Variants in SLC4A8 observed in about 807,000 individuals in gnomAD.
SLC4A8 encodes the protein solute carrier family 4 member 8.
Under a neutral mutation model 125.0 loss-of-function variants are expected in SLC4A8, and 40 were observed. The ratio of observed to expected loss-of-function variants is 0.32; its 90% confidence interval spans 0.25 to 0.42. The LOEUF (loss-of-function observed/expected upper bound fraction) is 0.42, where lower values mean the gene tolerates loss of function less well. Among genes scored for constraint, SLC4A8 ranks in the 10% least tolerant of loss-of-function variants. The probability of loss-of-function intolerance (pLI) is 1.00; values close to 1 mark genes in which losing one functional copy is unlikely to be tolerated. For synonymous variants in SLC4A8, 456 were observed against 476.0 expected (o/e 0.96, Z 0.55); for missense variants, 863 against 1,355.1 (o/e 0.64, Z 5.70).
chr12:51,485,797 T>C lies in SLC4A8; in HGVS notation c.2183T>C (p.Met728Thr). Residue 728 changes from methionine (M) to threonine (T), a missense_variant, in exon 17 of 25, where the codon ATG (methionine) becomes ACG (threonine). Physicochemically the swap from Met to Thr is moderately conservative, Grantham distance 81. Transcript: ENST00000453097. ...TCTTTCTCATGCCAGGTACGCTCCA[T>C]GGTGAGTGACTTTGCTGTTTTCCTC... ...SRYFPTRVRS[M>T]VSDFAVFLTI... The C allele has an allele frequency of 6.2e-7, 1 of 1,606,676 alleles. No individual in the cohort carries two copies. The highest frequency in any genetic ancestry group is 8.5e-7 in the Non-Finnish European group (1 of 1,173,240).
upstream of SLC4A8, among the ~76,000 whole-genome samples, chr12:51,421,404 A>C (rs1200793862): frequency 6.6e-6 from 1 of 152,222 alleles, no homozygotes; most frequent in African/African-American, 2.4e-5. Flanking sequence ...CAGCAGCCTT[A>C]GCTGCTGCCT....
In SLC4A8 at chr12:51,452,167, A is replaced by G. The variant is rs369642112; in HGVS notation, c.321A>G (p.Glu107=). 1.2e-6 allele frequency: 2 copies of G among 1,614,074 alleles called. No individual in the cohort carries two copies. The highest frequency in any genetic ancestry group is 1.3e-5 in the African/African-American group (1 of 74,932). ...QRVQFILGTE[E]DEEHVPHELF... ...TTCAGTTCATTCTTGGCACCGAGGA[A>G]GATGAAGAGCATGTGCCTCATGAGC... The change falls in exon 4 of 25, where the codon GAA becomes GAG. Residue 107 remains glutamate, a synonymous_variant. Coordinates refer to ENST00000453097, the MANE Select transcript of SLC4A8 (RefSeq NM_001039960.3).
chr12:51,402,237 T>G (rs1430399741), intron 1 of SLC4A8, among the ~76,000 whole-genome samples: 1 of 152,206 alleles, frequency 6.6e-6, no homozygotes, highest in South Asian at 2.1e-4. Context: ...ACTTGGAATA[T>G]CCTGGGATTC....
intron 17 of SLC4A8, among the ~76,000 whole-genome samples, chr12:51,486,802 G>GT (rs1951176188): frequency 6.6e-6 from 1 of 152,176 alleles, no homozygotes; most frequent in Non-Finnish European, 1.5e-5. Context: ...AAGTAGGCCT[G>GT]TTGAAATACC....
At chr12:51,483,226 G>A (rs867494788) in intron 16 of SLC4A8, among the ~76,000 whole-genome samples, 14 of 151,902 alleles carry the variant, frequency 9.2e-5, no homozygotes, top group Admixed American at 3.3e-4. Context: ...TATTTGTTTC[G>A]TTTTGCACTA....
At position 51,449,707 on chromosome 12, in the gene SLC4A8, C is replaced by T. The variant is rs1949901303; in HGVS notation, c.131-1169C>T. 1.3e-5 allele frequency among the ~76,000 whole-genome samples: 2 copies of T among 152,050 alleles called. 1 individual carries two copies. The stretch of plus-strand genomic sequence containing the variant: ...GCAAGGGAAAGCCAGGTAGAGGTGA[C>T]AGAGATCTGGAAATCTGGATCAAAA... On this transcript the variant is annotated intron_variant, in intron 2 of 24. Transcript: ENST00000453097.
At chr12:51,409,623 C>T (rs1376961624) in intron 1 of SLC4A8, among the ~76,000 whole-genome samples, 1 of 152,144 alleles carries the variant, frequency 6.6e-6, no homozygotes, top group African/African-American at 2.4e-5. Context: ...AATCATAGTG[C>T]ACTGCAGCCT....
intron 1 of SLC4A8, among the ~76,000 whole-genome samples, chr12:51,412,816 T>A (rs1948620052): frequency 6.6e-6 from 1 of 152,236 alleles, no homozygotes; most frequent in Admixed American, 6.5e-5. Context: ...TTTTCCTTAT[T>A]CATTCATCCA....
At chr12:51,507,302 C>A (rs1938213702) in intron 24 of SLC4A8, 124 bp from the exon 25 acceptor site, 2 of 566,044 alleles carry the variant, frequency 3.5e-6, no homozygotes, top group Non-Finnish European at 2.9e-6. Context: ...GAGAACTAGT[C>A]TACTTGTAAA....
At chr12:51,481,021 T>G (rs1951012207) in intron 16 of SLC4A8, among the ~76,000 whole-genome samples, 1 of 152,228 alleles carries the variant, frequency 6.6e-6, no homozygotes, top group South Asian at 2.1e-4. Flanking sequence ...TGGGCGTTTT[T>G]CTTTAAAACG....
intron 23 of SLC4A8, 137 bp from the exon 24 acceptor site, chr12:51,505,698 C>G (rs956070765): frequency 2.9e-5 from 14 of 484,960 alleles, no homozygotes; most frequent in African/African-American, 2.6e-4. Context: ...CATCTTGTTC[C>G]CCGAGTTCCT....
intron 2 of SLC4A8, among the ~76,000 whole-genome samples, chr12:51,447,820 C>A (rs1367737137): frequency 6.6e-6 from 1 of 151,430 alleles, no homozygotes; most frequent in Non-Finnish European, 1.5e-5. Context: ...AGGTTCATGC[C>A]ATTCTCCTGC....
At chr12:51,483,740 C>CT (rs200986889) in intron 16 of SLC4A8, among the ~76,000 whole-genome samples, 26 of 148,268 alleles carry the variant, frequency 1.8e-4, no homozygotes, top group East Asian at 3.9e-4. Context: ...AACAGGGATT[C>CT]TTTTTTTTTT....
At chr12:51,480,522 T>G in intron 16 of SLC4A8, 1 of 997,466 alleles carries the variant, frequency 1.0e-6, no homozygotes. Flanking sequence ...ATGTGGATGT[T>G]CATGTGAAAG....
At chr12:51,423,045 T>C (rs999568202), upstream of SLC4A8, among the ~76,000 whole-genome samples, 1 of 152,238 alleles carries the variant, frequency 6.6e-6, no homozygotes, top group Non-Finnish European at 1.5e-5. Context: ...TAGTAGGTGT[T>C]CAATACATTT....
chr12:51,445,919 G>A (rs530688084), intron 2 of SLC4A8, among the ~76,000 whole-genome samples: 2 of 152,246 alleles, frequency 1.3e-5, no homozygotes, highest in East Asian at 3.9e-4. Context: ...CCCAGCCCTT[G>A]GGACAGGATC....
chr12:51,420,552 T>C (rs1360807141), upstream of SLC4A8, among the ~76,000 whole-genome samples: 1 of 152,212 alleles, frequency 6.6e-6, no homozygotes, highest in Non-Finnish European at 1.5e-5. Context: ...CTTACAATTA[T>C]ATGCAAAATT....
intron 17 of SLC4A8, among the ~76,000 whole-genome samples, chr12:51,486,326 C>G (rs111818540): frequency 0.011 from 1,705 of 152,120 alleles, 36 homozygotes; most frequent in African/African-American, 0.039. Flanking sequence ...AAGGACTTGG[C>G]CTGAACCTTC....
At chr12:51,441,174 A>C in intron 2 of SLC4A8, 1 of 985,362 alleles carries the variant, frequency 1.0e-6, no homozygotes. Flanking sequence ...TAGTTTTAAA[A>C]ACTCATTTTG....
Sources: allele counts gnomAD v4.1 joint callset (sites outside exome capture counted in the v4.1 genomes callset), GRCh38; gene constraint gnomAD v4.1.1; transcripts MANE v1.5; gene names NCBI Gene and HGNC (gene_info 2026-07-23, HGNC 2026-07-21).